Variants in PCSK5 observed in about 807,000 individuals in gnomAD.
The protein encoded by PCSK5 is proprotein convertase subtilisin/kexin type 5, also known as prohormone convertase 5.
In PCSK5, 129 loss-of-function variants were observed where a neutral mutation model predicts 233.2. The observed-to-expected ratio is 0.55, with a 90% confidence interval of 0.48 to 0.64. The LOEUF (loss-of-function observed/expected upper bound fraction) is 0.64. PCSK5 is among the 30% of genes least tolerant of loss of function. PCSK5 has a pLI of 0.00. For missense variants in PCSK5, 2,076 were observed against 2,430.1 expected, an observed-to-expected ratio of 0.85 and a Z score of 3.06; for synonymous variants, 825 against 879.2, an observed-to-expected ratio of 0.94 and a Z score of 1.09.
chr9:75,957,051 G>A lies in PCSK5; in HGVS notation c.297+24568G>A, dbSNP rs1343045765. On this transcript the variant is annotated intron_variant, in intron 2 of 37. Transcript: ENST00000674117. ...ATAGAAGAGCCTTACCAAGTCCCTG[G>A]CATCCTACACAGAGGGCTGCTGTCT... Among the ~76,000 whole-genome samples the A allele has an allele frequency of 3.3e-5, 5 of 152,070 alleles. No homozygotes were observed. In the South Asian group the frequency reaches 8.3e-4, roughly 25 times the overall value.
rs1554703242 is a variant in PCSK5, at chr9:75,902,214, T to TTAAAAA, written c.192+10841_192+10842insTAAAAA. Among the ~76,000 whole-genome samples the TTAAAAA allele has an allele frequency of 3.2e-3, 168 of 53,078 alleles. 2 individuals are homozygous for TTAAAAA. The highest frequency in any genetic ancestry group is 4.7e-3 in the Non-Finnish European group (135 of 28,798). 34.8% of individuals were successfully genotyped at this position (53,078 alleles called of 152,430 possible). Reference sequence around the variant, plus strand: ...CTGGGTGACAGAGTGAGACACCATCTAAAAAAAAAAAAAAAAAAAAAAAAA... The same window carrying TTAAAAA: ...CTGGGTGACAGAGTGAGACACCATCTTAAAAAAAAAAAAAAAAAAAAAAAAAAAAAA... On this transcript the variant is annotated intron_variant, in intron 1 of 37. Transcript: ENST00000674117.
At chr9:75,976,200 A>G (rs991587236) in intron 2 of PCSK5, among the ~76,000 whole-genome samples, 2 of 151,856 alleles carry the variant, frequency 1.3e-5, no homozygotes, top group African/African-American at 4.8e-5. Flanking sequence ...ACAAGTATTT[A>G]ATGAGTTCTC....
intron 11 of PCSK5, among the ~76,000 whole-genome samples, chr9:76,158,450 C>T (rs1822701392): frequency 6.6e-6 from 1 of 152,116 alleles, no homozygotes. Context: ...TCAAGGGGAA[C>T]TGTGGCACAG....
chr9:76,105,960 A>G lies in PCSK5; in HGVS notation c.1108-1291A>G, dbSNP rs79383915. On this transcript the variant is annotated intron_variant, in intron 8 of 37. Transcript: ENST00000674117. ...GTCTACTTAGACATATTCATGTGAC[A>G]TAGAATAAACTTCTAAGTGAGAGTC... 2.8e-3 allele frequency among the ~76,000 whole-genome samples: 422 copies of G among 152,368 alleles called. 4 individuals are homozygous for G. Among genetic ancestry groups the G allele is most frequent in the Non-Finnish European group, 3.0e-3 (207 of 68,028 alleles).
chr9:76,006,078 A>G (rs1194068153), intron 3 of PCSK5, among the ~76,000 whole-genome samples: 2 of 150,636 alleles, frequency 1.3e-5, no homozygotes, highest in Non-Finnish European at 1.5e-5. Context: ...TTCCAAGGCT[A>G]ATTTTGGCTT....
At position 76,144,341 on chromosome 9, in the gene PCSK5, G is replaced by A. The variant is rs533033719; in HGVS notation, c.1312+10129G>A. On this transcript the variant is annotated intron_variant, in intron 10 of 37. Transcript: ENST00000674117. ...AAAGTAGAAGATATGTATCCAGCTTGGTTCCAAAGTGCAATTCTATGCATC... is the reference window on the plus strand; with the variant it reads ...AAAGTAGAAGATATGTATCCAGCTTAGTTCCAAAGTGCAATTCTATGCATC... Among the ~76,000 whole-genome samples, 9 of 152,308 alleles carry A rather than the reference G, an allele frequency of 5.9e-5. No homozygotes were observed. In the East Asian group the frequency reaches 1.7e-3, roughly 29 times the overall value.
chr9:76,070,770 G>A (rs1830454687), intron 6 of PCSK5, among the ~76,000 whole-genome samples: 1 of 152,040 alleles, frequency 6.6e-6, no homozygotes, highest in African/African-American at 2.4e-5. Context: ...ATCTAAACCT[G>A]TTTGATGTGG....
chr9:76,159,649 CCCAACTA>C (rs1822761775), intron 12 of PCSK5, among the ~76,000 whole-genome samples: 8 of 152,100 alleles, frequency 5.3e-5, no homozygotes, highest in Admixed American at 5.2e-4. Context: ...AGGTCTTTAT[CCCAACTA>C]CTCAACTCTG....
Position 76,043,734 on chromosome 9 carries a change from G to A in PCSK5, c.632+16697G>A, listed in dbSNP as rs558256904. Among the ~76,000 whole-genome samples the A allele has an allele frequency of 5.9e-5, 9 of 152,188 alleles. No homozygotes were observed. The South Asian group carries it at 1.7e-3, about 28-fold the overall frequency. On this transcript the variant is annotated intron_variant, in intron 5 of 37. Coordinates refer to ENST00000674117, the MANE Select transcript of PCSK5 (RefSeq NM_001372043.1). ...ATTTTGAGTCCGAGTTACGAGACTG[G>A]CTAATTTTTGTATTTTTGGTAGAGA...
At chr9:76,234,770 C>T (rs1826197838) in intron 22 of PCSK5, among the ~76,000 whole-genome samples, 1 of 152,164 alleles carries the variant, frequency 6.6e-6, no homozygotes, top group African/African-American at 2.4e-5. Flanking sequence ...ACATGGTGAG[C>T]ACTTGGAATA....
chr9:76,232,576 A>G (rs1030964889), intron 21 of PCSK5, among the ~76,000 whole-genome samples: 5 of 152,158 alleles, frequency 3.3e-5, no homozygotes, highest in Non-Finnish European at 5.9e-5. Flanking sequence ...CTAAATTAGG[A>G]ACTCTGGGTG....
rs146015511 is a variant in PCSK5 at position 75,961,451 on chromosome 9, C to T, written c.298-24681C>T. ...GACTCCTGAATATGGCAGCCGCTAA[C>T]CACTGTGGCCATTGTGTGCTTGGCA... On this transcript the variant is annotated intron_variant, in intron 2 of 37. Transcript: ENST00000674117. 5.6e-3 allele frequency among the ~76,000 whole-genome samples: 849 copies of T among 152,318 alleles called. 7 individuals carry two copies. Among genetic ancestry groups the T allele is most frequent in the Non-Finnish European group, 9.0e-3 (610 of 68,026 alleles).
intron 12 of PCSK5, 74 bp from the exon 13 acceptor site, chr9:76,169,630 T>G: frequency 6.9e-7 from 1 of 1,438,974 alleles, no homozygotes; most frequent in Non-Finnish European, 9.7e-7. Flanking sequence ...CAAAAAACAG[T>G]GTCGATTGTG....
rs749139750 is a variant in PCSK5, at chr9:76,338,437, T to C, written c.4956T>C (p.Asp1652=). Residue 1652 remains aspartate, a synonymous_variant, in exon 35 of 38, where the codon GAT becomes GAC. Transcript: ENST00000674117. The stretch of plus-strand genomic sequence containing the variant: ...GTGAGAGATGCCATCCGACTTGTGA[T>C]CAATGCAAAGGTGAGAGTCTACCTG... ...QTCERCHPTC[D]QCKGKGALNC... is the part of the protein sequence containing the mutation. The C allele has an allele frequency of 1.2e-6, 2 of 1,609,428 alleles. No individual in the cohort carries two copies. The highest frequency in any genetic ancestry group is 1.1e-5 in the South Asian group (1 of 90,992).
At chr9:76,137,739 T>A (rs968819726) in intron 10 of PCSK5, among the ~76,000 whole-genome samples, 1 of 152,060 alleles carries the variant, frequency 6.6e-6, no homozygotes, top group Non-Finnish European at 1.5e-5. Flanking sequence ...ATTATTTGCC[T>A]TAGACCAGAT....
rs60451634 is a variant in PCSK5 at position 76,323,932 on chromosome 9, A to AT, written c.4339+660dup. Among the ~76,000 whole-genome samples, 1,215 of 139,370 alleles carry AT rather than the reference A, an allele frequency of 8.7e-3. 23 individuals carry two copies. The highest frequency in any genetic ancestry group is 0.023 in the African/African-American group (856 of 37,296). The allele number at this position is 139,370 out of a possible 152,430, so 91.4% of individuals were successfully genotyped here. On this transcript the variant is annotated intron_variant, in intron 32 of 37. Transcript: ENST00000674117. ...TGCCTCTTGTCTCCCTTCCTGGGTG[A>AT]TTTTTTTTTTTTTTTTGAGACAGAG... is the stretch of plus-strand genomic sequence containing the variant.
chr9:76,207,818 ATGGAGCCT>A (rs1209996540), intron 20 of PCSK5, among the ~76,000 whole-genome samples: 1 of 152,148 alleles, frequency 6.6e-6, no homozygotes, highest in Non-Finnish European at 1.5e-5. Flanking sequence ...TTTTTCCCTG[ATGGAGCCT>A]TGGGGCTGTC....
intron 1 of PCSK5, among the ~76,000 whole-genome samples, chr9:75,919,975 C>T (rs1371857725): frequency 1.3e-5 from 2 of 152,162 alleles, no homozygotes; most frequent in Admixed American, 6.5e-5. Context: ...CGAGACCAAC[C>T]TGGCCAACCT....
At chr9:75,990,070 A>C (rs1826700140) in intron 3 of PCSK5, among the ~76,000 whole-genome samples, 1 of 152,228 alleles carries the variant, frequency 6.6e-6, no homozygotes, top group African/African-American at 2.4e-5. Flanking sequence ...CCTTTTGTTC[A>C]AATGAGTCAA....
Sources: allele counts gnomAD v4.1 joint callset (sites outside exome capture counted in the v4.1 genomes callset), GRCh38; gene constraint gnomAD v4.1.1; transcripts MANE v1.5; gene names NCBI Gene and HGNC (gene_info 2026-07-23, HGNC 2026-07-21).